ANK2: variants seen among roughly 807,000 people sequenced by gnomAD.
ANK2 encodes the protein ankyrin 2, also known as ankyrin-2.
Under a neutral mutation model 360.5 loss-of-function variants are expected in ANK2, and 83 were observed. That is an observed-to-expected ratio of 0.23 (90% confidence interval 0.19 to 0.28). The LOEUF is 0.28. Ranked by LOEUF, ANK2 falls within the 10% of genes least tolerant of loss-of-function variation. The pLI is 1.00. For missense variants in ANK2, 4,201 were observed against 4,795.7 expected (o/e 0.88, Z 3.66); for synonymous variants, 1,740 against 1,759.5 (o/e 0.99, Z 0.28).
the ANK2 span, among the ~76,000 whole-genome samples, chr4:112,719,857 A>G: frequency 1.3e-5 from 2 of 152,172 alleles, no homozygotes; most frequent in African/African-American, 2.4e-5. Flanking sequence ...TAGAAAGGGA[A>G]TATCAGAGGA....
At chr4:113,338,126 T>G (rs547926015) in intron 31 of ANK2, among the ~76,000 whole-genome samples, 4 of 152,238 alleles carry the variant, frequency 2.6e-5, no homozygotes, top group African/African-American at 4.8e-5. Flanking sequence ...TTCTGTGTCA[T>G]GTAGTTATGC....
intron 4 of ANK2, among the ~76,000 whole-genome samples, chr4:113,205,661 G>T (rs1422173627): frequency 6.6e-6 from 1 of 152,102 alleles, no homozygotes; most frequent in African/African-American, 2.4e-5. Context: ...TATCACCATT[G>T]GTTACACCCC....
chr4:113,128,622 T>C (rs2095814684), intron 1 of ANK2, among the ~76,000 whole-genome samples: 1 of 152,122 alleles, frequency 6.6e-6, no homozygotes, highest in Non-Finnish European at 1.5e-5. Context: ...CCCGAGTAGC[T>C]GGGATTACAG....
At chr4:113,090,647 A>T (rs1350309978) in intron 1 of ANK2, among the ~76,000 whole-genome samples, 2 of 152,210 alleles carry the variant, frequency 1.3e-5, no homozygotes, top group Non-Finnish European at 2.9e-5. Flanking sequence ...ATATTCGTTT[A>T]GCTCACATTA....
At chr4:112,878,754 C>T (rs539685795) in intron 1 of ANK2, among the ~76,000 whole-genome samples, 1 of 152,282 alleles carries the variant, frequency 6.6e-6, no homozygotes, top group East Asian at 1.9e-4. Flanking sequence ...CTGCCTCAGC[C>T]TGTCCGAGTA....
chr4:112,803,350 TTATAAGCGATAGGCAAG>T, the ANK2 span, among the ~76,000 whole-genome samples: 2 of 152,094 alleles, frequency 1.3e-5, no homozygotes, highest in African/African-American at 4.8e-5. Context: ...AAAGCCTACT[TTATAAGCGATAGGCAAG>T]TGCCTTTATA....
rs781241738 is a variant in ANK2, at chr4:113,311,262, C to A, written c.2556C>A (p.Asp852Glu). 1 of 1,614,088 alleles carries A rather than the reference C, an allele frequency of 6.2e-7. No homozygotes were observed. The highest frequency in any genetic ancestry group is 2.2e-5 in the East Asian group (1 of 44,862). ...TCCTCTGATTGTTTCAAGGTGATGA[C>A]ACAATGACTGGTGATGGGGGAGAAT... is the stretch of plus-strand genomic sequence containing the variant. ...VLDVSDEEGD[D>E]TMTGDGGEYL... Residue 852 changes from aspartate (D) to glutamate (E), a missense_variant, in exon 24 of 46, where the codon GAC becomes GAA. Physicochemically the swap from Asp to Glu is conservative, Grantham distance 45 (BLOSUM62 2). Transcript: ENST00000357077.
intron 34 of ANK2, among the ~76,000 whole-genome samples, chr4:113,343,957 T>C (rs2094551886): frequency 6.6e-6 from 1 of 152,138 alleles, no homozygotes; most frequent in African/African-American, 2.4e-5. Flanking sequence ...CAGCAATGAC[T>C]CTTTTTATTT....
At chr4:113,043,327 A>C (rs185154490) in intron 2 of ANK2, among the ~76,000 whole-genome samples, 6 of 152,242 alleles carry the variant, frequency 3.9e-5, no homozygotes, top group Non-Finnish European at 5.9e-5. Context: ...AGTATAGACT[A>C]ACACTAGGAC....
chr4:112,711,733 T>C, the ANK2 span, among the ~76,000 whole-genome samples: 1 of 151,454 alleles, frequency 6.6e-6, no homozygotes, highest in African/African-American at 2.4e-5. Context: ...GGCAGGAGAA[T>C]TGCTTGAACC....
At chr4:113,309,722 G>A (rs1346837457) in intron 23 of ANK2, among the ~76,000 whole-genome samples, 3 of 151,972 alleles carry the variant, frequency 2.0e-5, no homozygotes, top group African/African-American at 2.4e-5. Flanking sequence ...AGGTCTAGGT[G>A]TTACTCAGGC....
At chr4:113,005,577 T>C (rs1460964761) in intron 2 of ANK2, among the ~76,000 whole-genome samples, 1 of 152,002 alleles carries the variant, frequency 6.6e-6, no homozygotes, top group Non-Finnish European at 1.5e-5. Flanking sequence ...TACCAGAGAC[T>C]GTGAGGGGTG....
intron 2 of ANK2, among the ~76,000 whole-genome samples, chr4:113,000,077 C>T (rs2050074655): frequency 6.6e-6 from 1 of 152,064 alleles, no homozygotes; most frequent in Non-Finnish European, 1.5e-5. Flanking sequence ...AGAAGTGAAC[C>T]CCCACAGAAA....
intron 2 of ANK2, among the ~76,000 whole-genome samples, chr4:113,002,733 C>A (rs986924440): frequency 1.3e-5 from 2 of 152,220 alleles, no homozygotes; most frequent in South Asian, 2.1e-4. Context: ...CACTTCAATA[C>A]CTATGGAGAT....
chr4:112,929,612 G>T (rs915498765), intron 2 of ANK2, among the ~76,000 whole-genome samples: 8 of 152,204 alleles, frequency 5.3e-5, no homozygotes, highest in African/African-American at 1.7e-4. Flanking sequence ...GCCAGGCTTA[G>T]TTTTTCCTAA....
intron 4 of ANK2, among the ~76,000 whole-genome samples, chr4:113,212,178 A>C (rs889572660): frequency 6.6e-6 from 1 of 152,234 alleles, no homozygotes; most frequent in Non-Finnish European, 1.5e-5. Context: ...CCAAACTTTG[A>C]TTAATTACAT....
rs1203719934 is a variant in ANK2 at position 112,875,027 on chromosome 4, A to G, written c.-39-29428A>G. Among the ~76,000 whole-genome samples, 6 of 150,974 alleles carry G rather than the reference A, an allele frequency of 4.0e-5. No individual in the cohort carries two copies. In the East Asian group the frequency reaches 1.2e-3, roughly 29 times the overall value. Reference sequence around the variant, plus strand: ...GGCCATTCTGAGAAATTATGTACCAATTCCCTAATTACTTTTTTTTTTTTT... The same window carrying G: ...GGCCATTCTGAGAAATTATGTACCAGTTCCCTAATTACTTTTTTTTTTTTT... On this transcript the variant is annotated intron_variant, in intron 1 of 30. Transcript: ENST00000503271.
At chr4:113,371,057 A>G (rs2096721078) in intron 43 of ANK2, among the ~76,000 whole-genome samples, 1 of 152,218 alleles carries the variant, frequency 6.6e-6, no homozygotes, top group African/African-American at 2.4e-5. Flanking sequence ...ATAGAATTCA[A>G]AAACACTTTA....
intron 2 of ANK2, among the ~76,000 whole-genome samples, chr4:112,918,247 T>A (rs1307696951): frequency 6.6e-6 from 1 of 152,126 alleles, no homozygotes; most frequent in African/African-American, 2.4e-5. Flanking sequence ...TGGACTAGCG[T>A]GCTCCTGAGG....
Sources: gnomAD v4.1 joint callset for allele counts (sites outside exome capture counted in the v4.1 genomes callset) on GRCh38, gnomAD v4.1.1 for gene constraint, MANE v1.5 for transcripts, NCBI Gene and HGNC (gene_info 2026-07-23, HGNC 2026-07-21) for gene names.